Variants in UPF2 observed in about 807,000 individuals in gnomAD.
The protein encoded by UPF2 is regulator of nonsense transcripts 2.
A neutral mutation model predicts 141.4 loss-of-function variants in UPF2; 17 were observed. The observed-to-expected ratio is 0.12, with a 90% confidence interval of 0.08 to 0.18. The LOEUF (loss-of-function observed/expected upper bound fraction) is 0.18. UPF2 is among the 10% of genes least tolerant of loss of function. UPF2 has a pLI of 1.00. For missense variants in UPF2, 1,152 were observed against 1,515.9 expected (o/e 0.76, Z 3.99); for synonymous variants, 540 against 498.0 (o/e 1.08, Z -1.12).
At chr10:11,969,022 G>A (rs932724897) in intron 9 of UPF2, among the ~76,000 whole-genome samples, 7 of 151,986 alleles carry the variant, frequency 4.6e-5, no homozygotes, top group South Asian at 2.1e-4. Context: ...CATCATGCCC[G>A]GCTAAATTTT....
chr10:11,978,419 A>T (rs1444280574), intron 9 of UPF2, among the ~76,000 whole-genome samples: 1 of 152,166 alleles, frequency 6.6e-6, no homozygotes, highest in Non-Finnish European at 1.5e-5. Context: ...TTTGAAGCAG[A>T]AGCACCTCCG....
intron 13 of UPF2, among the ~76,000 whole-genome samples, chr10:11,955,774 T>C (rs1489608832): frequency 2.0e-5 from 3 of 152,226 alleles, no homozygotes; most frequent in Non-Finnish European, 4.4e-5. Context: ...ACAGTTAAAA[T>C]GTAATTCTAC....
intron 9 of UPF2, among the ~76,000 whole-genome samples, chr10:11,972,914 C>A (rs141051348): frequency 6.6e-6 from 1 of 152,072 alleles, no homozygotes; most frequent in Non-Finnish European, 1.5e-5. Flanking sequence ...TGGGATGGTG[C>A]GGTCAAATGG....
intron 8 of UPF2, among the ~76,000 whole-genome samples, chr10:11,995,176 T>C (rs55927248): frequency 2.0e-5 from 3 of 151,816 alleles, no homozygotes; most frequent in Non-Finnish European, 4.4e-5. Context: ...GACTTAAAGG[T>C]GAGTCAAAGA....
Position 11,959,077 on chromosome 10 carries a change from G to T in UPF2, c.2370+94C>A. 8.1e-7 allele frequency: 1 copy of T among 1,231,088 alleles called. No homozygotes were observed. Among genetic ancestry groups the T allele is most frequent in the Non-Finnish European group, 1.1e-6 (1 of 925,344 alleles). The allele number at this position is 1,231,088 out of a possible 1,614,324, so 76.3% of individuals were successfully genotyped here. A position where few individuals can be genotyped will look rare whatever the true frequency, so the allele number is the denominator to read the frequency against. ...CACAGAGCTGATTATAAAGGAACTT[G>T]AGCTCTACCCCCACTTCTCCTAGAC... On this transcript the variant is annotated intron_variant, in intron 12 of 21. Transcript: ENST00000357604. This position sits in a 1 kb window ranked among gnomAD's most constrained non-coding sequence, Gnocchi z 5.9.
At chr10:11,963,862 T>A in intron 11 of UPF2, 147 bp downstream of exon 11, 1 of 566,440 alleles carries the variant, frequency 1.8e-6, no homozygotes, top group Admixed American at 2.8e-5. Flanking sequence ...GGATTGCAAC[T>A]CATATGTATG....
Position 11,925,651 on chromosome 10 carries a change from T to G in UPF2, c.3809+4214A>C, listed in dbSNP as rs531000728. Among the ~76,000 whole-genome samples the G allele has an allele frequency of 2.6e-5, 4 of 152,306 alleles. No homozygotes were observed. The South Asian group carries it at 8.3e-4, about 32-fold the overall frequency. On this transcript the variant is annotated intron_variant, in intron 21 of 21. Coordinates refer to ENST00000357604, the MANE Select transcript of UPF2 (RefSeq NM_015542.4). ...AGGTCTGCAGAAATACCATAAGTCA[T>G]GGCAGCAGATCCGCACTGACCTATG...
At chr10:12,005,887 T>C (rs1286705385) in intron 4 of UPF2, among the ~76,000 whole-genome samples, 1 of 150,740 alleles carries the variant, frequency 6.6e-6, no homozygotes, top group Non-Finnish European at 1.5e-5. Flanking sequence ...TATTATTTAT[T>C]TTTTTGAATT....
intron 9 of UPF2, among the ~76,000 whole-genome samples, chr10:11,970,203 G>T (rs765877984): frequency 8.5e-5 from 13 of 152,114 alleles, no homozygotes; most frequent in Non-Finnish European, 1.8e-4. Context: ...TTGGTACTAA[G>T]CAATTAATGT....
In UPF2 at chr10:11,979,230, T is replaced by G; in HGVS notation, c.1845-65A>C. 3 of 1,323,998 alleles carry G rather than the reference T, an allele frequency of 2.3e-6. No homozygotes were observed. The highest frequency in any genetic ancestry group is 1.1e-6 in the Non-Finnish European group (1 of 947,042). The allele number at this position is 1,323,998 out of a possible 1,614,324, so 82.0% of individuals were successfully genotyped here. ...TATCAAAAATAATTCATTTTAAAAT[T>G]TAAACTTTTCAGATGTATTCACACA... On this transcript the variant is annotated intron_variant, in intron 8 of 21. Transcript: ENST00000357604. The surrounding 1 kb of genome is among the most constrained non-coding windows in gnomAD (Gnocchi z 6.2).
chr10:12,028,789 C>T lies in UPF2; in HGVS notation c.1101G>A (p.Leu367=), dbSNP rs1444501234. 6.2e-7 allele frequency: 1 copy of T among 1,613,286 alleles called. No homozygotes were observed. Among genetic ancestry groups the T allele is most frequent in the Admixed American group, 1.7e-5 (1 of 59,782 alleles). Residue 367 remains leucine, a synonymous_variant, in exon 3 of 22, where the codon CTG becomes CTA. Coordinates refer to ENST00000357604, the MANE Select transcript of UPF2 (RefSeq NM_015542.4). ...TCTGGAGCTCCCTGTGGTCCCTTTTCAGGTGTTTGGTCAAAGACGTAAAGT... is the reference window on the plus strand; with the variant it reads ...TCTGGAGCTCCCTGTGGTCCCTTTTTAGGTGTTTGGTCAAAGACGTAAAGT... ...KEYFTSLTKH[L]KRDHRELQNT...
intron 10 of UPF2, among the ~76,000 whole-genome samples, chr10:11,967,139 C>T (rs1379957059): frequency 2.0e-5 from 3 of 152,106 alleles, no homozygotes; most frequent in Non-Finnish European, 2.9e-5. Context: ...TTAGATTTCA[C>T]GTAATTACTC....
At chr10:11,938,063 T>C (rs763662245) in intron 18 of UPF2, among the ~76,000 whole-genome samples, 1 of 152,188 alleles carries the variant, frequency 6.6e-6, no homozygotes, top group South Asian at 2.1e-4. Context: ...CTATTAACAA[T>C]GGAGTATGTT....
chr10:11,953,122 T>C lies in UPF2; in HGVS notation c.2851-873A>G, dbSNP rs1564342638. ...CTGGTTCCCACATTCTATTTTATAC[T>C]TGTTTTAATTCCTAAATTTACATTA... On this transcript the variant is annotated intron_variant, in intron 14 of 21. Coordinates refer to ENST00000357604, the MANE Select transcript of UPF2 (RefSeq NM_015542.4). This position sits in a 1 kb window ranked among gnomAD's most constrained non-coding sequence, Gnocchi z 5.0. 6.6e-6 allele frequency among the ~76,000 whole-genome samples: 1 copy of C among 152,350 alleles called. No homozygotes were observed. The highest frequency in any genetic ancestry group is 1.9e-4 in the East Asian group (1 of 5,192).
intron 8 of UPF2, among the ~76,000 whole-genome samples, chr10:11,982,747 A>T (rs1183201415): frequency 6.6e-6 from 1 of 152,034 alleles, no homozygotes; most frequent in Non-Finnish European, 1.5e-5. Context: ...CAGCCTCCCA[A>T]GTACCTGGGA....
intron 2 of UPF2, among the ~76,000 whole-genome samples, chr10:12,030,304 C>T (rs750504023): frequency 2.5e-4 from 38 of 152,156 alleles, no homozygotes; most frequent in Non-Finnish European, 4.7e-4. Flanking sequence ...CTTTGGGAGG[C>T]GGGTGGATCA....
chr10:12,014,344 A>C lies in UPF2; in HGVS notation c.1146-160T>G, dbSNP rs545854175. 6.6e-6 allele frequency among the ~76,000 whole-genome samples: 1 copy of C among 152,342 alleles called. No individual in the cohort carries two copies. Among genetic ancestry groups the C allele is most frequent in the South Asian group, 2.1e-4 (1 of 4,830 alleles). The stretch of plus-strand genomic sequence containing the variant: ...ATCTAGTATTTTCAAAATGTATCTG[A>C]AATGTATAATGAAATTCACCTGAAC... On this transcript the variant is annotated intron_variant, in intron 3 of 21. Coordinates refer to ENST00000357604, the MANE Select transcript of UPF2 (RefSeq NM_015542.4). The surrounding 1 kb of genome is among the most constrained non-coding windows in gnomAD (Gnocchi z 5.0).
chr10:11,946,807 T>C (rs1179928767), intron 16 of UPF2, among the ~76,000 whole-genome samples: 1 of 152,228 alleles, frequency 6.6e-6, no homozygotes, highest in Non-Finnish European at 1.5e-5. Flanking sequence ...CATGAATTCC[T>C]GGGCTCAAGC....
intron 9 of UPF2, among the ~76,000 whole-genome samples, chr10:11,971,292 T>C (rs2131214257): frequency 6.6e-6 from 1 of 152,068 alleles, no homozygotes; most frequent in East Asian, 1.9e-4. Flanking sequence ...TTTGCTCTTG[T>C]TGCCCAGGCT....
Sources: allele counts gnomAD v4.1 joint callset (sites outside exome capture counted in the v4.1 genomes callset), GRCh38; gene constraint gnomAD v4.1.1; non-coding constraint Gnocchi (gnomAD v3.1); transcripts MANE v1.5; gene names NCBI Gene and HGNC (gene_info 2026-07-23, HGNC 2026-07-21).